Variants in ARID2 observed in about 807,000 individuals in gnomAD.
ARID2 encodes the protein AT-rich interaction domain 2.
ARID2 carries 32 observed loss-of-function variants against 184.6 expected under a neutral mutation model. The observed-to-expected ratio is 0.17, with a 90% CI of 0.13 to 0.23. The LOEUF is 0.23. Ranked by LOEUF, ARID2 falls within the 10% of genes least tolerant of loss-of-function variation. ARID2 has a pLI of 1.00. For synonymous variants in ARID2, 836 were observed against 772.6 expected (o/e 1.08, Z -1.36); for missense variants, 1,696 against 2,197.6 (o/e 0.77, Z 4.56).
chr12:45,855,786 A>G (rs1168807447), intron 15 of ARID2, among the ~76,000 whole-genome samples: 2 of 152,168 alleles, frequency 1.3e-5, no homozygotes, highest in East Asian at 3.8e-4. Flanking sequence ...GTGCAATCAC[A>G]GCTCACTGCA....
At chr12:45,872,086 T>C (rs895211238) in intron 16 of ARID2, among the ~76,000 whole-genome samples, 34 of 152,212 alleles carry the variant, frequency 2.2e-4, no homozygotes, top group Non-Finnish European at 4.0e-4. Flanking sequence ...TTTTGTTAAA[T>C]TTTTTTCTTT....
intron 3 of ARID2, among the ~76,000 whole-genome samples, chr12:45,771,541 T>C (rs1941877077): frequency 6.6e-6 from 1 of 151,604 alleles, no homozygotes; most frequent in African/African-American, 2.4e-5. Flanking sequence ...GCCACAGTGT[T>C]GCATGCCTGT....
intron 3 of ARID2, among the ~76,000 whole-genome samples, chr12:45,772,314 G>T (rs940743466): frequency 2.0e-5 from 3 of 152,162 alleles, no homozygotes; most frequent in Admixed American, 6.5e-5. Flanking sequence ...TAGAATCCAG[G>T]TGTGGTAAAG....
intron 6 of ARID2, among the ~76,000 whole-genome samples, chr12:45,823,436 A>T (rs1018273040): frequency 5.9e-5 from 9 of 152,264 alleles, no homozygotes; most frequent in Non-Finnish European, 1.3e-4. Context: ...AGTAGAGGAA[A>T]GAAATTCTAA....
intron 3 of ARID2, among the ~76,000 whole-genome samples, chr12:45,768,880 C>T (rs1941819347): frequency 6.6e-6 from 1 of 152,162 alleles, no homozygotes; most frequent in Non-Finnish European, 1.5e-5. Flanking sequence ...TGCCTAACAA[C>T]TGGATGTGGT....
chr12:45,896,841 GAT>G (rs1353421452), intron 20 of ARID2, among the ~76,000 whole-genome samples: 1 of 152,152 alleles, frequency 6.6e-6, no homozygotes, highest in Non-Finnish European at 1.5e-5. Flanking sequence ...TAAATTTGGG[GAT>G]GTTTTTCTTT....
chr12:45,767,489 A>G (rs886746253), intron 3 of ARID2, among the ~76,000 whole-genome samples: 1 of 152,180 alleles, frequency 6.6e-6, no homozygotes, highest in African/African-American at 2.4e-5. Context: ...TAAGTGAGGA[A>G]ATAAATCTCT....
intron 15 of ARID2, among the ~76,000 whole-genome samples, chr12:45,855,215 T>C (rs929563540): frequency 6.6e-6 from 1 of 152,258 alleles, no homozygotes; most frequent in African/African-American, 2.4e-5. Flanking sequence ...ACATTAATGC[T>C]AAAATGCTTT....
intron 3 of ARID2, among the ~76,000 whole-genome samples, chr12:45,763,930 T>C (rs1464352038): frequency 6.6e-6 from 1 of 152,184 alleles, no homozygotes; most frequent in East Asian, 1.9e-4. Context: ...ATTTAATATT[T>C]ATAGAAAATT....
intron 3 of ARID2, among the ~76,000 whole-genome samples, chr12:45,764,620 A>T (rs1374170841): frequency 6.6e-6 from 1 of 152,214 alleles, no homozygotes; most frequent in Non-Finnish European, 1.5e-5. Flanking sequence ...TACTGTATGA[A>T]GCCTTTTAAG....
chr12:45,905,178 A>G lies in ARID2; in HGVS notation c.*100A>G. The G allele has an allele frequency of 1.6e-6, 2 of 1,246,986 alleles. No individual in the cohort carries two copies. Among genetic ancestry groups the G allele is most frequent in the Non-Finnish European group, 2.2e-6 (2 of 924,490 alleles). The allele number at this position is 1,246,986 out of a possible 1,614,324, so 77.2% of individuals were successfully genotyped here. ...AGTCTTAATGGAACAAAGACCATAG[A>G]ATGAATTATTTTATCTCCTCCCATG... On this transcript the variant is annotated 3_prime_UTR_variant, in exon 21 of 21. Transcript: ENST00000334344.
At chr12:45,743,685 G>A (rs1000549930) in intron 3 of ARID2, among the ~76,000 whole-genome samples, 3 of 152,074 alleles carry the variant, frequency 2.0e-5, no homozygotes, top group African/African-American at 7.2e-5. Context: ...CTTTTTATGG[G>A]GGTTGCATTA....
chr12:45,867,480 T>G (rs1353719764), intron 16 of ARID2, among the ~76,000 whole-genome samples: 1 of 147,418 alleles, frequency 6.8e-6, no homozygotes, highest in Non-Finnish European at 1.5e-5. Flanking sequence ...CAGTGGCTCA[T>G]GCCTGTAATC....
intron 1 of ARID2, 22 bp downstream of exon 1, chr12:45,729,950 C>T (rs2137959041): frequency 6.2e-7 from 1 of 1,603,842 alleles, no homozygotes; most frequent in Non-Finnish European, 8.5e-7. Context: ...ACCGGGGGGG[C>T]AGCGCCGGGG....
At chr12:45,870,092 TCTC>T (rs1191283798) in intron 16 of ARID2, among the ~76,000 whole-genome samples, 1 of 151,872 alleles carries the variant, frequency 6.6e-6, no homozygotes, top group African/African-American at 2.4e-5. Flanking sequence ...TTCACGCCAT[TCTC>T]CTGCCTCAGC....
At chr12:45,901,480 T>G (rs1944457872) in intron 20 of ARID2, among the ~76,000 whole-genome samples, 1 of 151,848 alleles carries the variant, frequency 6.6e-6, no homozygotes, top group Admixed American at 6.6e-5. Context: ...GGAAATTTCC[T>G]TAATTTTTAA....
intron 16 of ARID2, among the ~76,000 whole-genome samples, chr12:45,878,572 T>C (rs1374461491): frequency 6.6e-6 from 1 of 152,200 alleles, no homozygotes; most frequent in Non-Finnish European, 1.5e-5. Flanking sequence ...TTCATATTTC[T>C]AGCATTTTCT....
intron 16 of ARID2, among the ~76,000 whole-genome samples, chr12:45,876,793 TAAAAAA>T (rs569976302): frequency 7.7e-6 from 1 of 129,240 alleles, no homozygotes; most frequent in Non-Finnish European, 1.7e-5. Context: ...AACCTTCAAT[TAAAAAA>T]AAAAAAAAGG....
intron 3 of ARID2, among the ~76,000 whole-genome samples, chr12:45,778,333 A>G (rs550031044): frequency 6.6e-6 from 1 of 152,250 alleles, no homozygotes; most frequent in Admixed American, 6.5e-5. Flanking sequence ...TTAATTTGCT[A>G]TTTTTCACTT....
Sources: gnomAD v4.1 joint callset for allele counts (sites outside exome capture counted in the v4.1 genomes callset) on GRCh38, gnomAD v4.1.1 for gene constraint, MANE v1.5 for transcripts, NCBI Gene and HGNC (gene_info 2026-07-23, HGNC 2026-07-21) for gene names.